Variants in SUPT3H observed in about 807,000 individuals in gnomAD.
SUPT3H encodes SPT3 homolog, SAGA and STAGA complex component.
In SUPT3H, 44 loss-of-function variants were observed where a neutral mutation model predicts 44.3. The ratio of observed to expected loss-of-function variants is 0.99; its 90% CI spans 0.78 to 1.28. SUPT3H has a LOEUF of 1.28. Ranked by LOEUF, SUPT3H falls within the 50% of genes most tolerant of loss-of-function variation. The pLI is 0.00. For missense variants in SUPT3H, 380 were observed against 387.1 expected (o/e 0.98, Z 0.15); for synonymous variants, 124 against 125.6 (o/e 0.99, Z 0.09).
intron 1 of SUPT3H, among the ~76,000 whole-genome samples, chr6:45,370,550 T>C (rs556044214): frequency 2.6e-5 from 4 of 152,136 alleles, no homozygotes; most frequent in Non-Finnish European, 5.9e-5. Flanking sequence ...GGATAATTAA[T>C]CAATATAATA....
intron 6 of SUPT3H, among the ~76,000 whole-genome samples, chr6:44,970,304 C>T (rs1777386935): frequency 6.6e-6 from 1 of 151,836 alleles, no homozygotes; most frequent in Admixed American, 6.6e-5. Flanking sequence ...AAAATATTTC[C>T]CATCTTGGGA....
intron 10 of SUPT3H, among the ~76,000 whole-genome samples, chr6:44,919,027 CT>C (rs1394558172): frequency 6.6e-6 from 1 of 152,178 alleles, no homozygotes; most frequent in African/African-American, 2.4e-5. Context: ...AGCAAGTCTC[CT>C]TTAGAAGCAT....
chr6:44,909,155 G>GTA (rs1265982485), intron 10 of SUPT3H, among the ~76,000 whole-genome samples: 2 of 151,340 alleles, frequency 1.3e-5, no homozygotes, highest in African/African-American at 4.9e-5. Context: ...GTGTGTGTGT[G>GTA]TGTGTGTGTG....
chr6:45,208,962 C>G (rs927376454), intron 2 of SUPT3H, among the ~76,000 whole-genome samples: 8 of 151,984 alleles, frequency 5.3e-5, no homozygotes, highest in Non-Finnish European at 1.2e-4. Context: ...AGAAAAATGT[C>G]AGGCCCTTAA....
At chr6:45,060,990 T>G (rs528405755) in intron 3 of SUPT3H, among the ~76,000 whole-genome samples, 1 of 152,252 alleles carries the variant, frequency 6.6e-6, no homozygotes, top group Admixed American at 6.5e-5. Context: ...GCTTTAACAC[T>G]GTTGGTGGGG....
At chr6:44,900,350 AG>A (rs1764778195) in intron 10 of SUPT3H, among the ~76,000 whole-genome samples, 1 of 152,226 alleles carries the variant, frequency 6.6e-6, no homozygotes, top group Non-Finnish European at 1.5e-5. Context: ...CAAAGCTCTT[AG>A]CAAACGGCAC....
chr6:44,863,902 TCACTAC>T (rs1561911587), intron 10 of SUPT3H, among the ~76,000 whole-genome samples: 1 of 151,914 alleles, frequency 6.6e-6, no homozygotes, highest in Non-Finnish European at 1.5e-5. Context: ...TGACACTTAT[TCACTAC>T]CATGAGAACA....
At chr6:45,342,215 AG>A (rs938514138) in intron 2 of SUPT3H, among the ~76,000 whole-genome samples, 2 of 152,044 alleles carry the variant, frequency 1.3e-5, no homozygotes, top group African/African-American at 4.8e-5. Flanking sequence ...TTGTCACTAC[AG>A]TTGTGCCTAG....
intron 10 of SUPT3H, among the ~76,000 whole-genome samples, chr6:44,846,623 CAATTG>C (rs1224952546): frequency 6.6e-6 from 1 of 151,776 alleles, no homozygotes; most frequent in Non-Finnish European, 1.5e-5. Flanking sequence ...TTGTCTTTCC[CAATTG>C]AATTTTTTTT....
intron 9 of SUPT3H, among the ~76,000 whole-genome samples, chr6:44,935,605 C>A (rs1372555384): frequency 1.3e-5 from 2 of 152,154 alleles, no homozygotes; most frequent in Non-Finnish European, 2.9e-5. Context: ...CTCCATATGT[C>A]AGGTCCTCTT....
intron 4 of SUPT3H, among the ~76,000 whole-genome samples, chr6:45,015,831 A>G (rs1052726755): frequency 3.3e-5 from 5 of 151,824 alleles, no homozygotes; most frequent in African/African-American, 9.7e-5. Flanking sequence ...CTATGCCTAC[A>G]TAGGGTCAGG....
intron 10 of SUPT3H, among the ~76,000 whole-genome samples, chr6:44,892,592 C>T (rs1375252106): frequency 6.6e-6 from 1 of 152,072 alleles, no homozygotes; most frequent in East Asian, 1.9e-4. Flanking sequence ...GCAATTAATA[C>T]ACAGGGAAAA....
chr6:45,004,018 A>G (rs1562240268), intron 5 of SUPT3H, among the ~76,000 whole-genome samples: 1 of 152,204 alleles, frequency 6.6e-6, no homozygotes, highest in Non-Finnish European at 1.5e-5. Flanking sequence ...ATGATCAATT[A>G]TCAAAGTAAG....
chr6:44,988,245 A>G (rs1364906646), intron 6 of SUPT3H, among the ~76,000 whole-genome samples: 1 of 152,014 alleles, frequency 6.6e-6, no homozygotes, highest in Non-Finnish European at 1.5e-5. Context: ...TCTAGAAGAT[A>G]CTTGAAAATC....
rs368539779 is a variant in SUPT3H at position 45,077,626 on chromosome 6, C to A, written c.186+28296G>T. 4.3e-3 allele frequency among the ~76,000 whole-genome samples: 146 copies of A among 34,002 alleles called. 1 individual carries two copies. The highest frequency in any genetic ancestry group is 9.6e-3 in the East Asian group (11 of 1,146). 22.3% of individuals were successfully genotyped at this position (34,002 alleles called of 152,430 possible). On this transcript the variant is annotated intron_variant, in intron 3 of 10. Transcript: ENST00000371459. The stretch of plus-strand genomic sequence containing the variant: ...TAGGTGACAGAGTGAGACCTTGTTT[C>A]AAAAAAAAAAAAAAAAGAAAAGAAA...
intron 10 of SUPT3H, among the ~76,000 whole-genome samples, chr6:44,894,769 A>G (rs1225059619): frequency 1.3e-5 from 2 of 151,704 alleles, no homozygotes; most frequent in East Asian, 3.8e-4. Flanking sequence ...TAAAATATGT[A>G]TTTTGAGAAA....
chr6:44,951,056 C>A (rs944245101), intron 9 of SUPT3H, among the ~76,000 whole-genome samples: 12 of 151,866 alleles, frequency 7.9e-5, no homozygotes, highest in African/African-American at 2.9e-4. Context: ...CCTACTATTC[C>A]TCTTTAATGA....
chr6:44,902,684 A>T (rs907562099), intron 10 of SUPT3H, among the ~76,000 whole-genome samples: 17 of 152,108 alleles, frequency 1.1e-4, no homozygotes, highest in African/African-American at 2.7e-4. Context: ...GCTGACCTAA[A>T]AGACATCTAC....
At chr6:45,185,627 G>A (rs996304549) in intron 2 of SUPT3H, among the ~76,000 whole-genome samples, 1 of 152,166 alleles carries the variant, frequency 6.6e-6, no homozygotes, top group African/African-American at 2.4e-5. Flanking sequence ...CAACACCAAT[G>A]AACTTGCAAA....
Sources: allele counts gnomAD v4.1 joint callset (sites outside exome capture counted in the v4.1 genomes callset), GRCh38; gene constraint gnomAD v4.1.1; transcripts MANE v1.5; gene names NCBI Gene and HGNC (gene_info 2026-07-23, HGNC 2026-07-21).